The following ASTN1 variants were observed in gnomAD, a reference collection of about 807,000 sequenced individuals.
The protein encoded by ASTN1 is astrotactin-1.
A neutral mutation model predicts 140.7 loss-of-function variants in ASTN1; 41 were observed. That is an observed-to-expected ratio of 0.29 (90% CI 0.23 to 0.38). The LOEUF (loss-of-function observed/expected upper bound fraction) is 0.38. ASTN1 is among the 10% of genes least tolerant of loss of function. The pLI is 1.00. For missense variants in ASTN1, 1,479 were observed against 1,678.8 expected (o/e 0.88, Z 2.08); for synonymous variants, 640 against 652.2 (o/e 0.98, Z 0.29).
intron 2 of ASTN1, among the ~76,000 whole-genome samples, chr1:177,046,754 C>T (rs910267338): frequency 6.6e-6 from 1 of 152,138 alleles, no homozygotes; most frequent in Non-Finnish European, 1.5e-5. Flanking sequence ...CCTAAGGTTC[C>T]TGTTCCATGA....
intron 1 of ASTN1, among the ~76,000 whole-genome samples, chr1:177,106,789 G>T (rs1454583407): frequency 6.6e-6 from 1 of 152,174 alleles, no homozygotes; most frequent in Non-Finnish European, 1.5e-5. Context: ...GATAGCAACA[G>T]TGAGGCAGAT....
intron 5 of ASTN1, 73 bp downstream of exon 5, chr1:177,029,561 C>A: frequency 6.8e-7 from 1 of 1,478,996 alleles, no homozygotes; most frequent in Admixed American, 1.8e-5. Context: ...CCCAACCCAA[C>A]ACCTCTTCGC....
rs552867779 is a variant in ASTN1, at chr1:176,909,300, T to C, written c.2672-14470A>G. Among the ~76,000 whole-genome samples, 14 of 152,328 alleles carry C rather than the reference T, an allele frequency of 9.2e-5. No homozygotes were observed. In the South Asian group the frequency reaches 2.9e-3, roughly 32 times the overall value. Reference sequence around the variant, plus strand: ...GACAATGGGCTTCCATGTAAAGTTTTGATGCATGAGATCTATCAGAAGATG... The same window carrying C: ...GACAATGGGCTTCCATGTAAAGTTTCGATGCATGAGATCTATCAGAAGATG... On this transcript the variant is annotated intron_variant, in intron 16 of 22. Coordinates refer to ENST00000361833, the MANE Select transcript of ASTN1 (RefSeq NM_004319.3).
intron 8 of ASTN1, among the ~76,000 whole-genome samples, chr1:177,011,468 G>T (rs1417307568): frequency 2.0e-5 from 3 of 151,968 alleles, no homozygotes. Flanking sequence ...TAGGTAATGG[G>T]GTGAATATCT....
At chr1:177,048,391 T>G (rs190850230) in intron 2 of ASTN1, among the ~76,000 whole-genome samples, 1 of 152,244 alleles carries the variant, frequency 6.6e-6, no homozygotes, top group East Asian at 1.9e-4. Flanking sequence ...GAGTCCACCA[T>G]CCTACCAGAA....
At chr1:176,880,320 A>G (rs1447512936) in intron 20 of ASTN1, among the ~76,000 whole-genome samples, 1 of 152,046 alleles carries the variant, frequency 6.6e-6, no homozygotes, top group Non-Finnish European at 1.5e-5. Flanking sequence ...CTTGTCTGAT[A>G]CTTTCCCACT....
intron 11 of ASTN1, among the ~76,000 whole-genome samples, chr1:176,954,076 C>A (rs1672304033): frequency 6.6e-6 from 1 of 152,200 alleles, no homozygotes; most frequent in African/African-American, 2.4e-5. Context: ...GTCCTGCCAG[C>A]CAAGCCTGCT....
chr1:177,037,997 A>G (rs1442284129), intron 2 of ASTN1, among the ~76,000 whole-genome samples: 1 of 152,204 alleles, frequency 6.6e-6, no homozygotes, highest in Non-Finnish European at 1.5e-5. Flanking sequence ...TAATTTGTAG[A>G]TTTTAGAATT....
At chr1:176,867,207 G>T (rs1668159152) in intron 22 of ASTN1, among the ~76,000 whole-genome samples, 1 of 152,146 alleles carries the variant, frequency 6.6e-6, no homozygotes, top group Non-Finnish European at 1.5e-5. Flanking sequence ...TAGAAATCAA[G>T]ATGATATATG....
Position 176,945,966 on chromosome 1 carries a change from T to C in ASTN1, c.2209A>G (p.Lys737Glu), listed in dbSNP as rs1671941332. The part of the protein sequence containing the change: ...EMFFGYNNHS[K>E]EVAAGQVLKG... ...AGCACCTGTCCGGCAGCCACTTCCT[T>C]GGAATGGTTGTTGTAACCAAAGAAC... Residue 737 changes from lysine to glutamate, a missense_variant, in exon 13 of 23, where the codon AAG becomes GAG. By Grantham distance (56) the Lys-to-Glu change is moderately conservative. Coordinates refer to ENST00000361833, the MANE Select transcript of ASTN1 (RefSeq NM_004319.3). 1 of 1,613,826 alleles carries C rather than the reference T, an allele frequency of 6.2e-7. No individual in the cohort carries two copies. Among genetic ancestry groups the C allele is most frequent in the Non-Finnish European group, 8.5e-7 (1 of 1,179,810 alleles).
intron 1 of ASTN1, among the ~76,000 whole-genome samples, chr1:177,131,280 A>C (rs1681927925): frequency 6.6e-6 from 1 of 152,236 alleles, no homozygotes; most frequent in Non-Finnish European, 1.5e-5. Flanking sequence ...CTATCCCAAG[A>C]AAATAATCAG....
intron 16 of ASTN1, among the ~76,000 whole-genome samples, chr1:176,932,780 G>A (rs1671263357): frequency 1.3e-5 from 2 of 152,182 alleles, no homozygotes; most frequent in African/African-American, 4.8e-5. Flanking sequence ...AGAGAGGCAA[G>A]GCCTAGAACT....
intron 1 of ASTN1, among the ~76,000 whole-genome samples, chr1:177,076,962 G>C (rs2102067667): frequency 6.6e-6 from 1 of 152,278 alleles, no homozygotes; most frequent in African/African-American, 2.4e-5. Flanking sequence ...GCTGCAGATT[G>C]ATTGGAGTTA....
At chr1:177,135,672 C>T (rs1682161698) in intron 1 of ASTN1, among the ~76,000 whole-genome samples, 1 of 152,206 alleles carries the variant, frequency 6.6e-6, no homozygotes, top group South Asian at 2.1e-4. Flanking sequence ...GTTCACCATG[C>T]TCTGTCCATG....
At chr1:176,957,595 C>T in intron 11 of ASTN1, 83 bp downstream of exon 11, 3 of 1,502,922 alleles carry the variant, frequency 2.0e-6, no homozygotes, top group Non-Finnish European at 9.0e-7. Context: ...CACATTTTTC[C>T]CTATGTATCT....
intron 1 of ASTN1, among the ~76,000 whole-genome samples, chr1:177,123,884 A>G (rs772658323): frequency 1.5e-4 from 23 of 152,230 alleles, no homozygotes; most frequent in Admixed American, 5.2e-4. Context: ...GCCGATTAGC[A>G]AAGAAAGGAG....
At chr1:177,089,706 T>G (rs1571767373) in intron 1 of ASTN1, among the ~76,000 whole-genome samples, 1 of 152,178 alleles carries the variant, frequency 6.6e-6, no homozygotes, top group Admixed American at 6.5e-5. Context: ...GCCCACCACC[T>G]GCACGTCACC....
At chr1:177,075,205 C>A (rs1442347057) in intron 1 of ASTN1, among the ~76,000 whole-genome samples, 3 of 152,048 alleles carry the variant, frequency 2.0e-5, no homozygotes, top group African/African-American at 2.4e-5. Flanking sequence ...TCCTGAGTAG[C>A]TGGGATTACA....
At chr1:176,927,596 T>A (rs1671026473) in intron 16 of ASTN1, among the ~76,000 whole-genome samples, 1 of 152,232 alleles carries the variant, frequency 6.6e-6, no homozygotes, top group African/African-American at 2.4e-5. Flanking sequence ...TTTTACTGGC[T>A]TCTTCTGAAG....
Sources: gnomAD v4.1 joint callset for allele counts (sites outside exome capture counted in the v4.1 genomes callset) on GRCh38, gnomAD v4.1.1 for gene constraint, MANE v1.5 for transcripts, NCBI Gene and HGNC (gene_info 2026-07-23, HGNC 2026-07-21) for gene names.